Variants in TCERG1L observed in about 807,000 individuals in gnomAD.
TCERG1L encodes the protein transcription elongation regulator 1 like.
TCERG1L carries 37 observed loss-of-function variants against 56.3 expected under a neutral mutation model. That is an observed-to-expected ratio of 0.66 (90% CI 0.51 to 0.87). The LOEUF is 0.87. TCERG1L is among the 40% of genes least tolerant of loss of function. TCERG1L has a pLI of 0.00. For synonymous variants in TCERG1L, 324 were observed against 326.3 expected, an observed-to-expected ratio of 0.99 and a Z score of 0.08; for missense variants, 799 against 774.2, an observed-to-expected ratio of 1.03 and a Z score of -0.38.
In TCERG1L at chr10:131,238,875, G is replaced by A. The variant is rs115313657; in HGVS notation, c.856+21384C>T. On this transcript the variant is annotated intron_variant, in intron 4 of 11. Coordinates refer to ENST00000368642, the MANE Select transcript of TCERG1L (RefSeq NM_174937.4). ...GGGAAAAGGTACACCGTGCAGAGGG[G>A]GATCTGTCCTGGTCATAGGTGTCCC... 2.9e-3 allele frequency among the ~76,000 whole-genome samples: 440 copies of A among 152,300 alleles called. 4 individuals carry two copies. Among genetic ancestry groups the A allele is most frequent in the African/African-American group, 9.9e-3 (411 of 41,556 alleles).
intron 6 of TCERG1L, among the ~76,000 whole-genome samples, chr10:131,157,683 T>TA (rs554884679): frequency 4.0e-5 from 6 of 151,720 alleles, no homozygotes; most frequent in South Asian, 2.1e-4. Context: ...AAAGAAGATT[T>TA]AAAAAAAAAG....
At chr10:131,181,546 G>A (rs535065729) in intron 4 of TCERG1L, among the ~76,000 whole-genome samples, 1 of 152,264 alleles carries the variant, frequency 6.6e-6, no homozygotes, top group Non-Finnish European at 1.5e-5. Context: ...GCCATGCACA[G>A]GTGTGCCCCT....
chr10:131,119,567 G>A (rs921095371), intron 8 of TCERG1L, among the ~76,000 whole-genome samples: 13 of 152,218 alleles, frequency 8.5e-5, no homozygotes, highest in African/African-American at 1.7e-4. Context: ...TTCTGACTGC[G>A]CGATGATGGT....
At chr10:131,295,777 T>C (rs1378086872) in intron 3 of TCERG1L, among the ~76,000 whole-genome samples, 1 of 152,206 alleles carries the variant, frequency 6.6e-6, no homozygotes, top group African/African-American at 2.4e-5. Context: ...AATGTATATA[T>C]TACATTGTTG....
intron 4 of TCERG1L, among the ~76,000 whole-genome samples, chr10:131,197,513 A>T (rs933842848): frequency 2.6e-5 from 4 of 152,158 alleles, no homozygotes; most frequent in Non-Finnish European, 5.9e-5. Context: ...TTCTGACGCA[A>T]ACTTCACAAA....
At chr10:131,253,102 G>A (rs1846129083) in intron 4 of TCERG1L, among the ~76,000 whole-genome samples, 1 of 152,210 alleles carries the variant, frequency 6.6e-6, no homozygotes, top group East Asian at 1.9e-4. Flanking sequence ...GCCTCTCATG[G>A]GCTCTTGGCC....
At chr10:131,202,110 C>T (rs957140180) in intron 4 of TCERG1L, among the ~76,000 whole-genome samples, 4 of 152,132 alleles carry the variant, frequency 2.6e-5, no homozygotes, top group Admixed American at 2.0e-4. Context: ...TTTCCAGAAG[C>T]GTTGTACCAA....
intron 3 of TCERG1L, among the ~76,000 whole-genome samples, chr10:131,282,848 A>G (rs898622624): frequency 6.6e-6 from 1 of 152,226 alleles, no homozygotes; most frequent in Non-Finnish European, 1.5e-5. Context: ...CAGAGTTTTA[A>G]AGGAAAAAAA....
intron 4 of TCERG1L, among the ~76,000 whole-genome samples, chr10:131,200,918 G>A (rs896994115): frequency 1.3e-5 from 2 of 152,144 alleles, no homozygotes; most frequent in African/African-American, 2.4e-5. Flanking sequence ...CCTTATAAAA[G>A]AGGCTTCTCG....
chr10:131,148,503 C>T (rs887005809), intron 6 of TCERG1L, among the ~76,000 whole-genome samples: 7 of 151,502 alleles, frequency 4.6e-5, no homozygotes, highest in East Asian at 1.9e-4. Flanking sequence ...TATACACACA[C>T]AAAGGGACAC....
chr10:131,136,311 C>G (rs573675109), intron 7 of TCERG1L, among the ~76,000 whole-genome samples: 12 of 152,340 alleles, frequency 7.9e-5, no homozygotes, highest in African/African-American at 2.9e-4. Context: ...AAGCTTCACT[C>G]GTGCCAAGCC....
chr10:131,217,575 C>G (rs1287743018), intron 4 of TCERG1L, among the ~76,000 whole-genome samples: 1 of 152,158 alleles, frequency 6.6e-6, no homozygotes, highest in East Asian at 1.9e-4. Flanking sequence ...ATCCAGCTAC[C>G]CTGCCTGGCC....
intron 3 of TCERG1L, among the ~76,000 whole-genome samples, chr10:131,274,320 C>A (rs1204103416): frequency 6.6e-6 from 1 of 152,232 alleles, no homozygotes; most frequent in Non-Finnish European, 1.5e-5. Flanking sequence ...TCCAGAGCGG[C>A]ACCTGCTCAA....
At chr10:131,096,215 G>C (rs776046411) in intron 11 of TCERG1L, among the ~76,000 whole-genome samples, 5 of 152,216 alleles carry the variant, frequency 3.3e-5, no homozygotes, top group Non-Finnish European at 7.3e-5. Context: ...AGATGGGCCA[G>C]GGCCAGGCTG....
chr10:131,264,981 C>T (rs1298092365), intron 3 of TCERG1L, among the ~76,000 whole-genome samples: 4 of 152,058 alleles, frequency 2.6e-5, no homozygotes, highest in Non-Finnish European at 5.9e-5. Context: ...ACATGTCCTC[C>T]GACTTCAGAC....
intron 4 of TCERG1L, among the ~76,000 whole-genome samples, chr10:131,206,795 C>A (rs142024733): frequency 2.0e-4 from 31 of 152,198 alleles, no homozygotes; most frequent in Admixed American, 3.3e-4. Flanking sequence ...AGGCCTGGTC[C>A]TCCTTGAAGA....
chr10:131,184,645 C>A (rs56166801), intron 4 of TCERG1L, among the ~76,000 whole-genome samples: 1 of 152,182 alleles, frequency 6.6e-6, no homozygotes, highest in African/African-American at 2.4e-5. Context: ...ACATCGGTCA[C>A]GATGGAAACT....
chr10:131,109,512 T>G lies in TCERG1L; in HGVS notation c.1396-5158A>C, dbSNP rs530488059. ...TGTCTGTGGCTGTGTCTGTGAACGCTGGAGCCGCCTCAGTGGGAGAACAAC... is the reference window on the plus strand; with the variant it reads ...TGTCTGTGGCTGTGTCTGTGAACGCGGGAGCCGCCTCAGTGGGAGAACAAC... On this transcript the variant is annotated intron_variant, in intron 9 of 11. Transcript: ENST00000368642. Among the ~76,000 whole-genome samples the G allele has an allele frequency of 2.6e-5, 4 of 152,288 alleles. No individual in the cohort carries two copies. The South Asian group carries it at 8.3e-4, about 32-fold the overall frequency.
intron 8 of TCERG1L, among the ~76,000 whole-genome samples, chr10:131,123,701 G>C (rs568349965): frequency 6.6e-6 from 1 of 151,978 alleles, no homozygotes; most frequent in Admixed American, 6.6e-5. Context: ...CTGCTTGCCC[G>C]GCCAGGGGCC....
Sources: allele counts gnomAD v4.1 joint callset (sites outside exome capture counted in the v4.1 genomes callset), GRCh38; gene constraint gnomAD v4.1.1; transcripts MANE v1.5; gene names NCBI Gene and HGNC (gene_info 2026-07-23, HGNC 2026-07-21).